The following HENMT1 variants were observed in gnomAD, a reference collection of about 807,000 sequenced individuals.
HENMT1 encodes HEN methyltransferase 1, also known as small RNA 2'-O-methyltransferase.
Under a neutral mutation model 31.1 loss-of-function variants are expected in HENMT1, and 27 were observed. The observed-to-expected ratio is 0.87, with a 90% CI of 0.64 to 1.20. The LOEUF (loss-of-function observed/expected upper bound fraction) is 1.20, where lower values mean the gene tolerates loss of function less well. HENMT1 is among the 50% of genes most tolerant of loss of function. HENMT1 has a pLI of 0.00. For missense variants in HENMT1, 438 were observed against 469.6 expected (o/e 0.93, Z 0.62); for synonymous variants, 167 against 172.2 (o/e 0.97, Z 0.24).
At position 108,657,974 on chromosome 1, in the gene HENMT1, TACAC is replaced by T. The variant is rs879918137; in HGVS notation, c.22-399_22-396del. Among the ~76,000 whole-genome samples the T allele has an allele frequency of 3.3e-3, 476 of 144,722 alleles. 5 individuals are homozygous for T. The highest frequency in any genetic ancestry group is 0.012 in the African/African-American group (457 of 39,174). 94.9% of individuals were successfully genotyped at this position (144,722 alleles called of 152,430 possible). On this transcript the variant is annotated intron_variant, in intron 2 of 7. Coordinates refer to ENST00000651461, the MANE Select transcript of HENMT1 (RefSeq NM_001102592.2). ...TTTATAATGACTGACTATATATATATACACACACACATATATATACACACACACA... is the reference window on the plus strand; with the variant it reads ...TTTATAATGACTGACTATATATATATACACACATATATATACACACACACA...
At chr1:108,651,258 C>T in intron 5 of HENMT1, 49 bp from the exon 6 acceptor site, 5 of 1,460,458 alleles carry the variant, frequency 3.4e-6, no homozygotes, top group Non-Finnish European at 3.8e-6. Context: ...TTCACTTGCA[C>T]CTATTTTTCT....
intron 5 of HENMT1, among the ~76,000 whole-genome samples, chr1:108,652,925 C>G (rs543569772): frequency 1.3e-5 from 2 of 151,496 alleles, no homozygotes; most frequent in South Asian, 2.1e-4. Context: ...GCCCAGGCAA[C>G]AGTGTTTCTA....
chr1:108,660,375 C>A (rs1420535539), intron 1 of HENMT1, among the ~76,000 whole-genome samples: 1 of 152,128 alleles, frequency 6.6e-6, no homozygotes, highest in African/African-American at 2.4e-5. Flanking sequence ...TAGATACAAA[C>A]GGAGCAATCT....
intron 4 of HENMT1, 46 bp downstream of exon 4, chr1:108,655,540 A>G: frequency 1.8e-6 from 2 of 1,104,288 alleles, no homozygotes; most frequent in Non-Finnish European, 1.3e-6. Flanking sequence ...CAATAATGCC[A>G]TTAGTTTTAG....
At position 108,650,397 on chromosome 1, in the gene HENMT1, A is replaced by G; in HGVS notation, c.579-9T>C. 3 of 1,604,298 alleles carry G rather than the reference A, an allele frequency of 1.9e-6. No individual in the cohort carries two copies. Among genetic ancestry groups the G allele is most frequent in the Non-Finnish European group, 1.7e-6 (2 of 1,176,334 alleles). On this transcript the variant is annotated splice_polypyrimidine_tract_variant and intron_variant, in intron 6 of 7. Transcript: ENST00000651461. ...TTGCCACATATAAAGCCCTGAAACC[A>G]AAACGAGGACAGCAATCATTTTTCT... is the stretch of plus-strand genomic sequence containing the variant.
intron 2 of HENMT1, among the ~76,000 whole-genome samples, chr1:108,658,681 A>G (rs1479367370): frequency 6.6e-6 from 1 of 152,220 alleles, no homozygotes; most frequent in Non-Finnish European, 1.5e-5. Flanking sequence ...AGTTTTAATA[A>G]GAATACTTCT....
Position 108,648,685 on chromosome 1 carries a change from A to G in HENMT1, c.1063T>C (p.Leu355=). 3 of 1,614,222 alleles carry G rather than the reference A, an allele frequency of 1.9e-6. No homozygotes were observed. The highest frequency in any genetic ancestry group is 1.7e-6 in the Non-Finnish European group (2 of 1,180,040). The change falls in exon 8 of 8, where the codon TTA becomes CTA. Residue 355 remains leucine (L), a synonymous_variant. Coordinates refer to ENST00000651461, the MANE Select transcript of HENMT1 (RefSeq NM_001102592.2). Reference sequence around the variant, plus strand: ...CTCATCATCTCTTCATTAGCACATAAGCGGTTCAACTTGGGATACGCAAGG... The same window carrying G: ...CTCATCATCTCTTCATTAGCACATAGGCGGTTCAACTTGGGATACGCAAGG... The part of the protein sequence containing the change: ...RLLAYPKLNR[L]CANEEMMRSV...
At chr1:108,649,139 A>G (rs1657969143) in intron 7 of HENMT1, 148 bp from the exon 8 acceptor site, 1 of 663,236 alleles carries the variant, frequency 1.5e-6, no homozygotes, top group Non-Finnish European at 2.6e-6. Flanking sequence ...TGCCTCAGTT[A>G]TAATGGGAAT....
intron 5 of HENMT1, among the ~76,000 whole-genome samples, chr1:108,654,183 G>C (rs1658143894): frequency 6.6e-6 from 1 of 152,114 alleles, no homozygotes; most frequent in Non-Finnish European, 1.5e-5. Context: ...GTTGAAATCA[G>C]TTGGCTGTAA....
At chr1:108,656,616 G>A (rs2101000946) in intron 3 of HENMT1, among the ~76,000 whole-genome samples, 1 of 152,198 alleles carries the variant, frequency 6.6e-6, no homozygotes, top group East Asian at 1.9e-4. Context: ...TGAGTAACTG[G>A]GACTATAGGC....
chr1:108,660,088 TA>T (rs1231741383), intron 1 of HENMT1, 126 bp from the exon 2 acceptor site: 1 of 213,160 alleles, frequency 4.7e-6, no homozygotes, highest in Non-Finnish European at 8.1e-6. Context: ...ATAGAACGCT[TA>T]AAAGTAAATA....
At chr1:108,649,856 G>A (rs1050221834) in intron 7 of HENMT1, 3 of 362,282 alleles carry the variant, frequency 8.3e-6, no homozygotes, top group Non-Finnish European at 1.6e-5. Context: ...ATCTCACTAT[G>A]TTGTCCAGGC....
chr1:108,661,168 C>T (rs78122792), upstream of HENMT1: 415 of 184,084 alleles, frequency 2.3e-3, 1 homozygote, highest in Non-Finnish European at 3.5e-3. Context: ...TCGGCCTCCC[C>T]GCGGGGCTCG....
intron 4 of HENMT1, 23 bp downstream of exon 4, chr1:108,655,563 T>A (rs748835277): frequency 2.2e-6 from 3 of 1,334,838 alleles, no homozygotes; most frequent in Middle Eastern, 1.8e-4. Context: ...TAACGCATAA[T>A]TCTTTCAGAA....
In HENMT1 at chr1:108,660,936, A is replaced by G. The variant is rs866098051; in HGVS notation, c.-79+27T>C. The G allele has an allele frequency of 1.9e-3, 1,842 of 945,952 alleles. 29 individuals are homozygous for G. In the African/African-American group the frequency reaches 0.032, roughly 16 times the overall value. The allele number at this position is 945,952 out of a possible 1,614,324, so 58.6% of individuals were successfully genotyped here. On this transcript the variant is annotated intron_variant, in intron 1 of 7. Coordinates refer to ENST00000651461, the MANE Select transcript of HENMT1 (RefSeq NM_001102592.2). ...GAGACTCCGTCTCAAAAAAAAAAAAAGAAAAAGAAAAAGAAACCCTGCTCA... is the reference window on the plus strand; with the variant it reads ...GAGACTCCGTCTCAAAAAAAAAAAAGGAAAAAGAAAAAGAAACCCTGCTCA...
chr1:108,656,309 G>A (rs917070399), intron 3 of HENMT1, among the ~76,000 whole-genome samples: 1 of 152,114 alleles, frequency 6.6e-6, no homozygotes. Context: ...TTCACACACA[G>A]GAATCTTCAC....
Position 108,650,204 on chromosome 1 carries a change from T to A in HENMT1, c.756+7A>T, listed in dbSNP as rs754382495. 3 of 1,612,822 alleles carry A rather than the reference T, an allele frequency of 1.9e-6. No individual in the cohort carries two copies. In the South Asian group the frequency reaches 3.3e-5, roughly 18 times the overall value. ...GCCCTGATAGCTATCTCACAAAGAA[T>A]ACTCACAGCTTTATAAACATGCTGA... On this transcript the variant is annotated splice_region_variant and intron_variant, in intron 7 of 7. Coordinates refer to ENST00000651461, the MANE Select transcript of HENMT1 (RefSeq NM_001102592.2).
At chr1:108,655,768 TGAG>T (rs1181028831) in intron 3 of HENMT1, 70 bp from the exon 4 acceptor site, 9 of 914,040 alleles carry the variant, frequency 9.8e-6, no homozygotes, top group South Asian at 1.5e-5. Context: ...AACTTTTTTT[TGAG>T]GAGGAGAGAG....
rs1255903167 is a variant in HENMT1, at chr1:108,648,417, T to G, written c.*149A>C. On this transcript the variant is annotated 3_prime_UTR_variant, in exon 8 of 8. Transcript: ENST00000651461. The stretch of plus-strand genomic sequence containing the variant: ...GGGCTCACTGCAGTCTGGCCATATC[T>G]CAAGCAGGTCTGTCCAATGGCTTGG... The G allele has an allele frequency of 1.5e-6, 1 of 669,218 alleles. No individual in the cohort carries two copies. The highest frequency in any genetic ancestry group is 2.7e-5 in the East Asian group (1 of 36,758). The allele number at this position is 669,218 out of a possible 1,614,324, so 41.5% of individuals were successfully genotyped here.
Sources: gnomAD v4.1 joint callset for allele counts (sites outside exome capture counted in the v4.1 genomes callset) on GRCh38, gnomAD v4.1.1 for gene constraint, MANE v1.5 for transcripts, NCBI Gene and HGNC (gene_info 2026-07-23, HGNC 2026-07-21) for gene names.